Variants in CACNG4 observed in about 807,000 individuals in gnomAD.
CACNG4 encodes the protein voltage-dependent calcium channel gamma-4 subunit.
Under a neutral mutation model 22.9 loss-of-function variants are expected in CACNG4, and 8 were observed. The observed-to-expected ratio is 0.35, with a 90% CI of 0.21 to 0.63. CACNG4 has a LOEUF of 0.63. Ranked by LOEUF, CACNG4 falls within the 30% of genes least tolerant of loss-of-function variation. CACNG4 has a pLI of 0.72. For missense variants in CACNG4, 357 were observed against 455.4 expected (o/e 0.78, Z 1.97); for synonymous variants, 188 against 191.9 (o/e 0.98, Z 0.17).
chr17:66,998,559 G>T (rs771923512), intron 1 of CACNG4, among the ~76,000 whole-genome samples: 8 of 152,168 alleles, frequency 5.3e-5, no homozygotes, highest in Non-Finnish European at 7.3e-5. Context: ...GAGGGCGCTG[G>T]CCTGAAGCCA....
rs1011235716 is a variant in CACNG4, at chr17:67,032,177, C to T, written c.*1173C>T. 5 of 365,332 alleles carry T rather than the reference C, an allele frequency of 1.4e-5. No homozygotes were observed. Among genetic ancestry groups the T allele is most frequent in the African/African-American group, 4.3e-5 (2 of 47,014 alleles). The allele number at this position is 365,332 out of a possible 1,614,324, so 22.6% of individuals were successfully genotyped here. On this transcript the variant is annotated 3_prime_UTR_variant, in exon 4 of 4. Coordinates refer to ENST00000262138, the MANE Select transcript of CACNG4 (RefSeq NM_014405.4). ...GTGGAGTGAGTTTGGATAAACGGAC[C>T]GAGCTGGGCTTCTCTTCCTCCCTAC...
intron 1 of CACNG4, 82 bp from the exon 2 acceptor site, chr17:67,018,107 C>T (rs369114537): frequency 8.4e-6 from 9 of 1,069,642 alleles, no homozygotes; most frequent in South Asian, 2.6e-5. Flanking sequence ...GAGGCTCACA[C>T]ACATGGCAAC....
intron 1 of CACNG4, among the ~76,000 whole-genome samples, chr17:67,012,654 A>G (rs2035475036): frequency 6.6e-6 from 1 of 152,074 alleles, no homozygotes; most frequent in African/African-American, 2.4e-5. Flanking sequence ...AATCCCTCAA[A>G]CTTCCAGTTG....
Position 67,032,105 on chromosome 17 carries a change from C to A in CACNG4, c.*1101C>A, listed in dbSNP as rs1365713558. On this transcript the variant is annotated 3_prime_UTR_variant, in exon 4 of 4. Coordinates refer to ENST00000262138, the MANE Select transcript of CACNG4 (RefSeq NM_014405.4). Reference sequence around the variant, plus strand: ...TAAAAAGTAGCAGCAACTGGCCCCACAACTCCTGTCATTGTAAGTTATTCT... The same window carrying A: ...TAAAAAGTAGCAGCAACTGGCCCCAAAACTCCTGTCATTGTAAGTTATTCT... The A allele has an allele frequency of 5.0e-6, 2 of 402,296 alleles. No homozygotes were observed. The highest frequency in any genetic ancestry group is 3.7e-5 in the South Asian group (2 of 53,426). The allele number at this position is 402,296 out of a possible 1,614,324, so 24.9% of individuals were successfully genotyped here.
At chr17:67,008,509 G>C (rs2035450251) in intron 1 of CACNG4, among the ~76,000 whole-genome samples, 1 of 152,192 alleles carries the variant, frequency 6.6e-6, no homozygotes, top group Non-Finnish European at 1.5e-5. Context: ...CCTCGAGTTT[G>C]TCAGCAGCAG....
intron 1 of CACNG4, among the ~76,000 whole-genome samples, chr17:66,972,892 C>A (rs2035213250): frequency 6.6e-6 from 1 of 152,080 alleles, no homozygotes; most frequent in Non-Finnish European, 1.5e-5. Context: ...CACCACCGCA[C>A]TCCAGCCTGG....
At chr17:67,017,253 T>C (rs2143353412) in intron 1 of CACNG4, among the ~76,000 whole-genome samples, 1 of 152,152 alleles carries the variant, frequency 6.6e-6, no homozygotes, top group South Asian at 2.1e-4. Flanking sequence ...ATTTTTGTAC[T>C]TTTAGGAGAA....
At chr17:67,023,644 T>A (rs1371975473) in intron 2 of CACNG4, among the ~76,000 whole-genome samples, 1 of 148,998 alleles carries the variant, frequency 6.7e-6, no homozygotes. Context: ...CAATCTCAGC[T>A]CACTGCAACC....
At chr17:67,005,231 C>A (rs546876975) in intron 1 of CACNG4, among the ~76,000 whole-genome samples, 37 of 152,348 alleles carry the variant, frequency 2.4e-4, no homozygotes, top group African/African-American at 8.4e-4. Context: ...TCCAAGAGAA[C>A]CTCTGATTGG....
chr17:67,018,982 T>C (rs1314600061), intron 2 of CACNG4, among the ~76,000 whole-genome samples: 3 of 152,040 alleles, frequency 2.0e-5, no homozygotes, highest in South Asian at 2.1e-4. Context: ...ATCTCATCCC[T>C]GGGCCTGTGA....
chr17:66,970,795 A>C lies in CACNG4; in HGVS notation c.220+5664A>C, dbSNP rs577033438. 4.6e-5 allele frequency among the ~76,000 whole-genome samples: 7 copies of C among 152,356 alleles called. No homozygotes were observed. In the South Asian group the frequency reaches 1.4e-3, roughly 32 times the overall value. On this transcript the variant is annotated intron_variant, in intron 1 of 3. Coordinates refer to ENST00000262138, the MANE Select transcript of CACNG4 (RefSeq NM_014405.4). Reference sequence around the variant, plus strand: ...TTTGGGGGCACACAGACATGTGTCCATCACAGACATGTTCTCGCCCTGTGT... The same window carrying C: ...TTTGGGGGCACACAGACATGTGTCCCTCACAGACATGTTCTCGCCCTGTGT...
Position 66,965,136 on chromosome 17 carries a change from G to A in CACNG4, c.220+5G>A. On this transcript the variant is annotated splice_donor_5th_base_variant and intron_variant, in intron 1 of 3. Coordinates refer to ENST00000262138, the MANE Select transcript of CACNG4 (RefSeq NM_014405.4). ...GGCGGGTGTGCTGCATCGAAGGTAC[G>A]GCCAGCCCCGACCCCTCGCCGCCCC... 2 of 1,517,388 alleles carry A rather than the reference G, an allele frequency of 1.3e-6. No homozygotes were observed. Among genetic ancestry groups the A allele is most frequent in the East Asian group, 2.5e-5 (1 of 40,010 alleles). The allele number at this position is 1,517,388 out of a possible 1,614,324, so 94.0% of individuals were successfully genotyped here.
intron 1 of CACNG4, among the ~76,000 whole-genome samples, chr17:66,990,761 A>G (rs911043093): frequency 3.3e-5 from 5 of 151,890 alleles, no homozygotes; most frequent in African/African-American, 1.2e-4. Flanking sequence ...GTTCACTGCA[A>G]GCTCCGCCTC....
intron 1 of CACNG4, among the ~76,000 whole-genome samples, chr17:66,993,395 A>G (rs2035354189): frequency 6.6e-6 from 1 of 152,092 alleles, no homozygotes; most frequent in South Asian, 2.1e-4. Flanking sequence ...GCCATTCCCT[A>G]TGGCCACACC....
At chr17:67,025,934 C>A (rs2035562068) in intron 3 of CACNG4, among the ~76,000 whole-genome samples, 1 of 152,258 alleles carries the variant, frequency 6.6e-6, no homozygotes, top group Non-Finnish European at 1.5e-5. Context: ...GCATCTGTTT[C>A]CTTCCAGCGC....
Position 67,030,828 on chromosome 17 carries a change from C to A in CACNG4, c.808C>A (p.Pro270Thr), listed in dbSNP as rs929227780. The A allele has an allele frequency of 3.1e-6, 5 of 1,613,894 alleles. No individual in the cohort carries two copies. The highest frequency in any genetic ancestry group is 4.2e-6 in the Non-Finnish European group (5 of 1,180,030). The stretch of plus-strand genomic sequence containing the variant: ...GGGCCTGAAGATCACAGGGGCCATC[C>A]CCATGGGGGAGCTGTCCATGTACAC... ...PMGLKITGAI[P>T]MGELSMYTLS... The change falls in exon 4 of 4, where the codon CCC becomes ACC. Residue 270 changes from proline to threonine, a missense_variant. By Grantham distance (38) the Pro-to-Thr change is conservative (BLOSUM62 -1). Coordinates refer to ENST00000262138, the MANE Select transcript of CACNG4 (RefSeq NM_014405.4). The surrounding 1 kb of genome is among the most constrained non-coding windows in gnomAD (Gnocchi z 6.4).
At chr17:67,007,832 C>T (rs142645104) in intron 1 of CACNG4, among the ~76,000 whole-genome samples, 8 of 152,190 alleles carry the variant, frequency 5.3e-5, no homozygotes, top group Non-Finnish European at 5.9e-5. Flanking sequence ...GCCCTCTCAA[C>T]GGACACCTGT....
At chr17:67,001,721 C>A (rs2035408987) in intron 1 of CACNG4, among the ~76,000 whole-genome samples, 1 of 152,262 alleles carries the variant, frequency 6.6e-6, no homozygotes, top group African/African-American at 2.4e-5. Flanking sequence ...TCTGCAGCTG[C>A]TCTTCCAGGA....
At chr17:67,006,220 C>G (rs777930426) in intron 1 of CACNG4, among the ~76,000 whole-genome samples, 1 of 152,154 alleles carries the variant, frequency 6.6e-6, no homozygotes, top group East Asian at 1.9e-4. Flanking sequence ...CCCAAGGGCC[C>G]CAGGGTGGGA....
Sources: allele counts gnomAD v4.1 joint callset (sites outside exome capture counted in the v4.1 genomes callset), GRCh38; gene constraint gnomAD v4.1.1; non-coding constraint Gnocchi (gnomAD v3.1); transcripts MANE v1.5; gene names NCBI Gene and HGNC (gene_info 2026-07-23, HGNC 2026-07-21).